Variants in KLHL4 observed in about 807,000 individuals in gnomAD.
KLHL4 encodes the protein kelch like family member 4.
A neutral mutation model predicts 45.8 loss-of-function variants in KLHL4; 17 were observed. The ratio of observed to expected loss-of-function variants is 0.37; its 90% CI spans 0.25 to 0.56. The LOEUF is 0.56. KLHL4 is among the 20% of genes least tolerant of loss of function. The probability of loss-of-function intolerance (pLI) is 0.79; values close to 1 mark genes in which losing one functional copy is unlikely to be tolerated. For missense variants in KLHL4, 544 were observed against 544.9 expected (o/e 1.00, Z 0.02); for synonymous variants, 224 against 189.9 (o/e 1.18, Z -1.47).
chrX:87,585,264 AG>A (rs1309492504), intron 1 of KLHL4, among the ~76,000 whole-genome samples: 2 of 111,920 alleles, frequency 1.8e-5, no homozygotes, highest in Non-Finnish European at 3.8e-5. Context: ...AAAAATATAA[AG>A]ACATTAATGA....
intron 9 of KLHL4, among the ~76,000 whole-genome samples, chrX:87,646,366 G>A (rs1923633490): frequency 9.0e-6 from 1 of 111,073 alleles, no homozygotes; most frequent in Non-Finnish European, 1.9e-5. Context: ...AATACCACCA[G>A]CATTCTTCAC....
At chrX:87,552,336 A>G (rs1931847299) in intron 1 of KLHL4, among the ~76,000 whole-genome samples, 2 of 111,240 alleles carry the variant, frequency 1.8e-5, no homozygotes, top group African/African-American at 3.3e-5. Flanking sequence ...CAAAACCACA[A>G]TGCAATACCC....
chrX:87,552,505 G>A (rs928108941), intron 1 of KLHL4, among the ~76,000 whole-genome samples: 3 of 111,203 alleles, frequency 2.7e-5, no homozygotes, highest in Admixed American at 9.6e-5. Context: ...ATTCCTTAAA[G>A]AACTAAAAGA....
chrX:87,623,182 A>G (rs1225368562), intron 5 of KLHL4, among the ~76,000 whole-genome samples: 1 of 111,672 alleles, frequency 9.0e-6, no homozygotes, highest in African/African-American at 3.3e-5. Context: ...TAGTGGATCA[A>G]TAATTTTGTA....
intron 1 of KLHL4, among the ~76,000 whole-genome samples, chrX:87,560,537 T>C (rs1330120729): frequency 8.9e-6 from 1 of 111,747 alleles, no homozygotes; most frequent in African/African-American, 3.3e-5. Context: ...AGGCACGATG[T>C]TGTATAGCAG....
intron 1 of KLHL4, among the ~76,000 whole-genome samples, chrX:87,611,765 A>G (rs1364745505): frequency 9.1e-6 from 1 of 110,435 alleles, no homozygotes; most frequent in Non-Finnish European, 1.9e-5. Flanking sequence ...AACCTCAGGC[A>G]TGTCCTTCAG....
chrX:87,593,634 T>C (rs1921748071), intron 1 of KLHL4, among the ~76,000 whole-genome samples: 1 of 111,289 alleles, frequency 9.0e-6, no homozygotes, highest in African/African-American at 3.3e-5. Flanking sequence ...TGAGTTTCTT[T>C]AGATATTTGA....
chrX:87,622,498 C>A, intron 5 of KLHL4, 75 bp downstream of exon 5: 1 of 667,397 alleles, frequency 1.5e-6, no homozygotes, highest in Non-Finnish European at 2.2e-6. Context: ...TCTTATTTGC[C>A]TAATTTTATT....
chrX:87,646,433 C>A (rs145476488), intron 9 of KLHL4, among the ~76,000 whole-genome samples: 215 of 111,379 alleles, frequency 1.9e-3, no homozygotes, highest in African/African-American at 6.7e-3. Context: ...GCCTGCCTAG[C>A]CAAAGCAAGA....
At chrX:87,607,352 G>A (rs1326967948) in intron 1 of KLHL4, among the ~76,000 whole-genome samples, 2 of 110,847 alleles carry the variant, frequency 1.8e-5, no homozygotes, top group African/African-American at 3.3e-5. Context: ...CAAGTCTCTG[G>A]TCACTTCCTC....
intron 1 of KLHL4, among the ~76,000 whole-genome samples, chrX:87,556,164 G>A (rs1602414929): frequency 9.1e-6 from 1 of 110,459 alleles, no homozygotes; most frequent in Non-Finnish European, 1.9e-5. Context: ...TGGAATAGGT[G>A]TGGTGTGGTG....
chrX:87,616,913 T>C (rs1344608855), intron 3 of KLHL4, among the ~76,000 whole-genome samples: 1 of 111,487 alleles, frequency 9.0e-6, no homozygotes, highest in African/African-American at 3.2e-5. Flanking sequence ...CCTCACAATA[T>C]GTATTACCCT....
At chrX:87,530,162 A>G (rs1931220046) in intron 1 of KLHL4, among the ~76,000 whole-genome samples, 1 of 110,547 alleles carries the variant, frequency 9.0e-6, no homozygotes, top group Non-Finnish European at 1.9e-5. Flanking sequence ...TTTTGTTGCC[A>G]TTGCTTTTGG....
chrX:87,539,002 T>C (rs1484598059), intron 1 of KLHL4, among the ~76,000 whole-genome samples: 1 of 111,789 alleles, frequency 8.9e-6, no homozygotes, highest in East Asian at 2.8e-4. Context: ...TATGAATATT[T>C]ATGGCTAAAA....
intron 5 of KLHL4, 114 bp downstream of exon 5, chrX:87,622,537 G>T: frequency 2.1e-6 from 1 of 473,075 alleles, no homozygotes; most frequent in Non-Finnish European, 3.4e-6. Flanking sequence ...TAATTTGAGT[G>T]TACAAGATTC....
rs961971911 is a variant in KLHL4, at chrX:87,627,652, G to A, written c.1324+1856G>A. The stretch of plus-strand genomic sequence containing the variant: ...ATTAATTTCCAGTCTGGCAACTTGA[G>A]GTTTTATTGAATTTTTATTGACTAA... On this transcript the variant is annotated intron_variant, in intron 6 of 10. Coordinates refer to ENST00000373119, the MANE Select transcript of KLHL4 (RefSeq NM_019117.5). 2.7e-5 allele frequency among the ~76,000 whole-genome samples: 3 copies of A among 111,313 alleles called. No individual in the cohort carries two copies. In the South Asian group the frequency reaches 1.1e-3, roughly 41 times the overall value.
intron 9 of KLHL4, among the ~76,000 whole-genome samples, chrX:87,640,445 A>G (rs989465514): frequency 4.5e-5 from 5 of 111,848 alleles, no homozygotes; most frequent in Non-Finnish European, 9.4e-5. Context: ...TTCTCAACAC[A>G]ATACTAGTTA....
At chrX:87,661,220 G>T (rs898185101) in intron 9 of KLHL4, among the ~76,000 whole-genome samples, 7 of 111,335 alleles carry the variant, frequency 6.3e-5, no homozygotes, top group Admixed American at 9.6e-5. Context: ...TTTCTATTGC[G>T]GTTTGGAAGC....
intron 1 of KLHL4, among the ~76,000 whole-genome samples, chrX:87,569,032 G>T (rs946199230): frequency 9.0e-6 from 1 of 111,132 alleles, no homozygotes; most frequent in South Asian, 3.7e-4. Flanking sequence ...GAATGAAAAA[G>T]ATAACCTACA....
Sources: gnomAD v4.1 joint callset for allele counts (sites outside exome capture counted in the v4.1 genomes callset) on GRCh38, gnomAD v4.1.1 for gene constraint, MANE v1.5 for transcripts, NCBI Gene and HGNC (gene_info 2026-07-23, HGNC 2026-07-21) for gene names.